The following RADIL variants were observed in gnomAD, a reference collection of about 807,000 sequenced individuals.
RADIL encodes the protein Rap associating with DIL domain, also known as ras-associating and dilute domain-containing protein.
RADIL carries 99 observed loss-of-function variants against 97.6 expected under a neutral mutation model. That is an observed-to-expected ratio of 1.01 (90% confidence interval 0.86 to 1.20). The LOEUF (loss-of-function observed/expected upper bound fraction) is 1.20. RADIL is among the 50% of genes most tolerant of loss of function. RADIL has a pLI of 0.00. For synonymous variants in RADIL, 803 were observed against 691.8 expected (o/e 1.16, Z -2.52); for missense variants, 1,765 against 1,498.9 (o/e 1.18, Z -2.93).
At chr7:4,839,254 A>C (rs1469562339) in intron 2 of RADIL, among the ~76,000 whole-genome samples, 1 of 152,212 alleles carries the variant, frequency 6.6e-6, no homozygotes, top group Non-Finnish European at 1.5e-5. Flanking sequence ...AAAGTCATTC[A>C]GGAGTAGGTT....
At chr7:4,810,857 CGGGCGTGG>C (rs1782524268) in intron 9 of RADIL, among the ~76,000 whole-genome samples, 1 of 152,182 alleles carries the variant, frequency 6.6e-6, no homozygotes, top group South Asian at 2.1e-4. Flanking sequence ...GAGATTAGGC[CGGGCGTGG>C]TGGCTCACAC....
chr7:4,828,249 G>T (rs909145089), intron 5 of RADIL, among the ~76,000 whole-genome samples: 2 of 152,228 alleles, frequency 1.3e-5, no homozygotes, highest in Non-Finnish European at 2.9e-5. Flanking sequence ...CTTGAGCGCA[G>T]GAGTTCGAGA....
At chr7:4,804,234 A>T (rs944944582) in intron 10 of RADIL, among the ~76,000 whole-genome samples, 1 of 152,228 alleles carries the variant, frequency 6.6e-6, no homozygotes, top group Non-Finnish European at 1.5e-5. Context: ...AGGCGGCGGA[A>T]GAGTGCGTGC....
intron 2 of RADIL, chr7:4,862,134 A>C: frequency 1.9e-4 from 54 of 290,084 alleles, no homozygotes; most frequent in Non-Finnish European, 2.6e-4. Context: ...GGGGCTATAC[A>C]TGGGGGTGGG....
At chr7:4,832,757 A>T (rs1783183770) in intron 4 of RADIL, among the ~76,000 whole-genome samples, 1 of 145,622 alleles carries the variant, frequency 6.9e-6, no homozygotes, top group South Asian at 2.1e-4. Flanking sequence ...AAAAAAAAAA[A>T]AAAAAAGAAT....
Position 4,813,074 on chromosome 7 carries a change from T to TCTCTCTCTCTCTCTCTCTC in RADIL, c.2139+2203_2139+2204insGAGAGAGAGAGAGAGAGAG, listed in dbSNP as rs1562432542. Among the ~76,000 whole-genome samples, 1 of 147,702 alleles carries TCTCTCTCTCTCTCTCTCTC rather than the reference T, an allele frequency of 6.8e-6. No homozygotes were observed. Among genetic ancestry groups the TCTCTCTCTCTCTCTCTCTC allele is most frequent in the African/African-American group, 2.5e-5 (1 of 39,764 alleles). ...TTCATCCTTACCCCAAGGTTCTTCT[T>TCTCTCTCTCTCTCTCTCTC]TCTCTCTCTCTCTCTCTCTCTCTCT... On this transcript the variant is annotated intron_variant, in intron 9 of 14. Coordinates refer to ENST00000399583, the MANE Select transcript of RADIL (RefSeq NM_018059.5). The surrounding 1 kb of genome is among the most constrained non-coding windows in gnomAD (Gnocchi z 5.0).
At position 4,840,192 on chromosome 7, in the gene RADIL, T is replaced by C. The variant is rs1254144065; in HGVS notation, c.536-3587A>G. 6.6e-6 allele frequency among the ~76,000 whole-genome samples: 1 copy of C among 152,120 alleles called. No individual in the cohort carries two copies. Among genetic ancestry groups the C allele is most frequent in the African/African-American group, 2.4e-5 (1 of 41,420 alleles). On this transcript the variant is annotated intron_variant, in intron 2 of 14. Coordinates refer to ENST00000399583, the MANE Select transcript of RADIL (RefSeq NM_018059.5). The surrounding 1 kb of genome is among the most constrained non-coding windows in gnomAD (Gnocchi z 5.6). ...CTCCCAGGGGGTCGGCTGTCAGGCT[T>C]GTTGGGGGCCGACATGGCCTCCCAA...
intron 12 of RADIL, among the ~76,000 whole-genome samples, chr7:4,801,252 GCACACAGGCA>G (rs1457907606): frequency 1.3e-5 from 2 of 152,264 alleles, no homozygotes; most frequent in Admixed American, 1.3e-4. Context: ...ACACGCACAA[GCACACAGGCA>G]CACACAGGCC....
At position 4,877,853 on chromosome 7, in the gene RADIL, G is replaced by A. The variant is rs769679550; in HGVS notation, c.287C>T (p.Ala96Val). ...GGGGTCCAGGGCGTACCGCTCCAGCGCCTCCTTCACCAGCTCACGGGCGCT... is the reference window on the plus strand; with the variant it reads ...GGGGTCCAGGGCGTACCGCTCCAGCACCTCCTTCACCAGCTCACGGGCGCT... ...TSSARELVKE[A>V]LERYALDPRQ... The change falls in exon 2 of 15, where the codon GCG (alanine) becomes GTG (valine). Residue 96 changes from alanine (A) to valine (V), a missense_variant. Coordinates refer to ENST00000399583, the MANE Select transcript of RADIL (RefSeq NM_018059.5). The A allele has an allele frequency of 2.9e-5, 46 of 1,606,090 alleles. No individual in the cohort carries two copies. The highest frequency in any genetic ancestry group is 4.4e-5 in the South Asian group (4 of 91,072).
At chr7:4,827,432 G>A (rs1783019707) in intron 5 of RADIL, among the ~76,000 whole-genome samples, 1 of 151,688 alleles carries the variant, frequency 6.6e-6, no homozygotes, top group African/African-American at 2.4e-5. Flanking sequence ...GGCCGAGGTG[G>A]GCGGGTCACC....
intron 10 of RADIL, among the ~76,000 whole-genome samples, chr7:4,804,235 G>T (rs1435381996): frequency 2.6e-5 from 4 of 152,248 alleles, no homozygotes; most frequent in East Asian, 3.8e-4. Flanking sequence ...GGCGGCGGAA[G>T]AGTGCGTGCA....
In RADIL at chr7:4,835,388, C is replaced by G. The variant is rs1235753052; in HGVS notation, c.784-149G>C. On this transcript the variant is annotated intron_variant, in intron 3 of 14. Transcript: ENST00000399583. This position sits in a 1 kb window ranked among gnomAD's most constrained non-coding sequence, Gnocchi z 5.8. ...TCCCTGGCCACCCCCACACCAGAACCCCGACGGCTCTCAGGAACCCGCCCC... is the reference window on the plus strand; with the variant it reads ...TCCCTGGCCACCCCCACACCAGAACGCCGACGGCTCTCAGGAACCCGCCCC... 4.6e-5 allele frequency: 49 copies of G among 1,055,128 alleles called. No individual in the cohort carries two copies. In the South Asian group the frequency reaches 6.9e-4, roughly 15 times the overall value. The allele number at this position is 1,055,128 out of a possible 1,614,324, so 65.4% of individuals were successfully genotyped here.
At chr7:4,858,941 G>A (rs1376690776) in intron 2 of RADIL, 1 of 152,212 alleles carries the variant, frequency 6.6e-6, no homozygotes, top group African/African-American at 2.4e-5. Flanking sequence ...GAGGACAAGA[G>A]AATATGGAGC....
intron 2 of RADIL, among the ~76,000 whole-genome samples, chr7:4,871,388 C>T (rs1441604164): frequency 2.0e-5 from 3 of 152,228 alleles, no homozygotes; most frequent in African/African-American, 4.8e-5. Context: ...AGGAAGGCAG[C>T]GGCGCTTCCC....
intron 9 of RADIL, among the ~76,000 whole-genome samples, chr7:4,806,415 G>A (rs1000953127): frequency 3.3e-5 from 5 of 151,970 alleles, no homozygotes; most frequent in Non-Finnish European, 7.4e-5. Context: ...TCAAATTCCT[G>A]GCCTCAAGCA....
Position 4,842,029 on chromosome 7 carries a change from T to TG in RADIL, c.536-5425dup, listed in dbSNP as rs890248725. Among the ~76,000 whole-genome samples the TG allele has an allele frequency of 4.7e-5, 7 of 149,116 alleles. No individual in the cohort carries two copies. Among genetic ancestry groups the TG allele is most frequent in the Non-Finnish European group, 8.9e-5 (6 of 67,542 alleles). On this transcript the variant is annotated intron_variant, in intron 2 of 14. Transcript: ENST00000399583. The surrounding 1 kb of genome is among the most constrained non-coding windows in gnomAD (Gnocchi z 4.5). ...ACGATCACGCCACCGCACTCCAGCCTGGGCAACAGAGCAAGACCCTGTCTC... is the reference window on the plus strand; with the variant it reads ...ACGATCACGCCACCGCACTCCAGCCTGGGGCAACAGAGCAAGACCCTGTCTC...
At position 4,878,286 on chromosome 7, in the gene RADIL, G is replaced by T; in HGVS notation, c.-64-83C>A. The T allele has an allele frequency of 1.1e-6, 1 of 900,068 alleles. No individual in the cohort carries two copies. The highest frequency in any genetic ancestry group is 1.6e-6 in the Non-Finnish European group (1 of 618,716). 55.8% of individuals were successfully genotyped at this position (900,068 alleles called of 1,614,324 possible). ...AGGCCACAGGCGGTGACTCCTGCCC[G>T]TCATCCCAGCGCTTTAGAAGGCCAA... On this transcript the variant is annotated intron_variant, in intron 1 of 14. Transcript: ENST00000399583. The surrounding 1 kb of genome is among the most constrained non-coding windows in gnomAD (Gnocchi z 4.1).
At chr7:4,861,878 A>C in intron 2 of RADIL, 14 of 1,170,620 alleles carry the variant, frequency 1.2e-5, no homozygotes, top group Non-Finnish European at 1.5e-5. Flanking sequence ...CGCCCGGGTC[A>C]TGATCCGCTG....
chr7:4,841,915 G>T (rs1287441303), intron 2 of RADIL, among the ~76,000 whole-genome samples: 14 of 152,148 alleles, frequency 9.2e-5, no homozygotes, highest in African/African-American at 3.4e-4. Flanking sequence ...AATTAGCTGG[G>T]TGTGGTGGTG....
Sources: allele counts gnomAD v4.1 joint callset (sites outside exome capture counted in the v4.1 genomes callset), GRCh38; gene constraint gnomAD v4.1.1; non-coding constraint Gnocchi (gnomAD v3.1); transcripts MANE v1.5; gene names NCBI Gene and HGNC (gene_info 2026-07-23, HGNC 2026-07-21).